MIB1: variants seen among roughly 807,000 people sequenced by gnomAD.
MIB1 encodes MIB E3 ubiquitin protein ligase 1.
Under a neutral mutation model 124.5 loss-of-function variants are expected in MIB1, and 278 were observed. That is an observed-to-expected ratio of 2.23 (90% CI 2.02 to 2.47). MIB1 has a LOEUF of 2.47. Among genes scored for constraint, MIB1 ranks in the 30% most tolerant of loss-of-function variants. The pLI is 0.00. For synonymous variants in MIB1, 446 were observed against 429.4 expected (o/e 1.04, Z -0.48); for missense variants, 957 against 1,254.4 (o/e 0.76, Z 3.58).
intron 12 of MIB1, among the ~76,000 whole-genome samples, chr18:21,837,994 T>G (rs983090925): frequency 2.0e-5 from 3 of 152,286 alleles, no homozygotes; most frequent in Admixed American, 2.0e-4. Flanking sequence ...GTGCCCTCAT[T>G]AGGGTATATT....
rs369245024 is a variant in MIB1 at position 21,773,599 on chromosome 18, C to A, written c.532-25C>A. 3.3e-5 allele frequency: 51 copies of A among 1,554,662 alleles called. No individual in the cohort carries two copies. In the South Asian group the frequency reaches 5.7e-4, roughly 17 times the overall value. ...CTCTTCCCTCCCCTTTAAAAAACTT[C>A]TTTTCTCAAAAACTATTCTGTTAGG... is the stretch of plus-strand genomic sequence containing the variant. On this transcript the variant is annotated intron_variant, in intron 3 of 20. Transcript: ENST00000261537.
intron 1 of MIB1, among the ~76,000 whole-genome samples, chr18:21,720,141 T>G (rs1455669228): frequency 6.6e-6 from 1 of 152,188 alleles, no homozygotes; most frequent in Non-Finnish European, 1.5e-5. Context: ...GATAACCAAA[T>G]AGCTTTGAAG....
intron 12 of MIB1, among the ~76,000 whole-genome samples, chr18:21,823,531 G>A (rs1268022625): frequency 6.6e-6 from 1 of 152,168 alleles, no homozygotes; most frequent in Non-Finnish European, 1.5e-5. Flanking sequence ...TTTCAAAGGT[G>A]CAGATCAATA....
Position 21,773,695 on chromosome 18 carries a change from T to G in MIB1, c.603T>G (p.Ala201=), listed in dbSNP as rs35738763. 229 of 1,607,700 alleles carry G rather than the reference T, an allele frequency of 1.4e-4. No homozygotes were observed. In the African/African-American group the frequency reaches 2.9e-3, roughly 20 times the overall value. Residue 201 remains alanine (A), a synonymous_variant, in exon 4 of 21, where the codon GCT becomes GCG. Coordinates refer to ENST00000261537, the MANE Select transcript of MIB1 (RefSeq NM_020774.4). Reference sequence around the variant, plus strand: ...CATATGTCCTCTGGGATAATGGTGCTAAGAACCTTTACAGAGTTGGCTTTG... The same window carrying G: ...CATATGTCCTCTGGGATAATGGTGCGAAGAACCTTTACAGAGTTGGCTTTG... The part of the protein sequence containing the change: ...SAAYVLWDNG[A]KNLYRVGFEG...
rs1017307617 is a variant in MIB1, at chr18:21,867,403, A to C, written c.*2737A>C. 1.3e-5 allele frequency: 2 copies of C among 152,630 alleles called. No individual in the cohort carries two copies. Among genetic ancestry groups the C allele is most frequent in the African/African-American group, 2.4e-5 (1 of 41,464 alleles). 9.5% of individuals were successfully genotyped at this position (152,630 alleles called of 1,614,324 possible). On this transcript the variant is annotated 3_prime_UTR_variant, in exon 21 of 21. Coordinates refer to ENST00000261537, the MANE Select transcript of MIB1 (RefSeq NM_020774.4). ...GTTACTCAAAACATACACATACAAC[A>C]TACCAGATGGTGCTGTTCTAATGGT... is the stretch of plus-strand genomic sequence containing the variant.
chr18:21,785,098 T>C (rs1175410154), intron 6 of MIB1, among the ~76,000 whole-genome samples: 1 of 152,218 alleles, frequency 6.6e-6, no homozygotes, highest in African/African-American at 2.4e-5. Flanking sequence ...TCTCTCTTTC[T>C]GCCTCGGCTA....
At position 21,846,946 on chromosome 18, in the gene MIB1, A is replaced by G; in HGVS notation, c.2214A>G (p.Leu738=). The G allele has an allele frequency of 6.2e-7, 1 of 1,612,478 alleles. No individual in the cohort carries two copies. Among genetic ancestry groups the G allele is most frequent in the Non-Finnish European group, 8.5e-7 (1 of 1,179,220 alleles). ...DAAWEPSKNT[L]IMGLGTQGAE... ...CATGACTCTTTATTTTATTGCAGTT[A>G]ATAATGGGACTTGGTACCCAGGGGG... The change falls in exon 16 of 21, where the codon TTA becomes TTG. Residue 738 remains leucine, a splice_region_variant and synonymous_variant. Transcript: ENST00000261537.
intron 10 of MIB1, among the ~76,000 whole-genome samples, chr18:21,804,258 A>G (rs1380140750): frequency 2.0e-5 from 3 of 152,230 alleles, no homozygotes; most frequent in African/African-American, 7.2e-5. Flanking sequence ...TGTAACCATC[A>G]TGTTTTAGGA....
At chr18:21,853,584 A>G (rs1314408932) in intron 18 of MIB1, among the ~76,000 whole-genome samples, 1 of 152,144 alleles carries the variant, frequency 6.6e-6, no homozygotes, top group Admixed American at 6.5e-5. Context: ...CTTCACCTTA[A>G]TATTGCCTCT....
Position 21,844,267 on chromosome 18 carries a change from A to G in MIB1, c.2211+14A>G, listed in dbSNP as rs767456434. 3.7e-6 allele frequency: 6 copies of G among 1,612,708 alleles called. No homozygotes were observed. The African/African-American group carries it at 4.0e-5, about 11-fold the overall frequency. On this transcript the variant is annotated intron_variant, in intron 15 of 20. Coordinates refer to ENST00000261537, the MANE Select transcript of MIB1 (RefSeq NM_020774.4). Reference sequence around the variant, plus strand: ...TCCAAAAACACGGTGAGTAAAGATCATCTTTCATTCAGTACCAGTGGAAGA... The same window carrying G: ...TCCAAAAACACGGTGAGTAAAGATCGTCTTTCATTCAGTACCAGTGGAAGA...
chr18:21,776,431 A>G (rs2041288394), intron 4 of MIB1, among the ~76,000 whole-genome samples: 1 of 152,118 alleles, frequency 6.6e-6, no homozygotes. Flanking sequence ...GTGCATCTGT[A>G]TTAGAGGAGC....
In MIB1 at chr18:21,817,555, A is replaced by G. The variant is rs549116978; in HGVS notation, c.1677+1742A>G. 5.0e-5 allele frequency: 12 copies of G among 238,894 alleles called. No individual in the cohort carries two copies. The South Asian group carries it at 5.5e-4, about 11-fold the overall frequency. The allele number at this position is 238,894 out of a possible 1,614,324, so 14.8% of individuals were successfully genotyped here. A position where few individuals can be genotyped will look rare whatever the true frequency, so the allele number is the denominator to read the frequency against. ...CTCTCATTGCAGAATGAAAGCAGCC[A>G]TAGATAATACATAAATGAATGGGTG... On this transcript the variant is annotated intron_variant, in intron 11 of 20. Transcript: ENST00000261537.
chr18:21,850,562 ATCTTTCGTAGAATTTTTGG>A (rs1195769057), intron 17 of MIB1, among the ~76,000 whole-genome samples: 2 of 152,168 alleles, frequency 1.3e-5, no homozygotes, highest in Non-Finnish European at 2.9e-5. Context: ...AAATTAATGT[ATCTTTCGTAGAATTTTTGG>A]CACAGGAAAA....
intron 16 of MIB1, 36 bp downstream of exon 16, chr18:21,847,161 T>C (rs757934550): frequency 1.3e-6 from 2 of 1,550,246 alleles, no homozygotes; most frequent in Non-Finnish European, 1.8e-6. Flanking sequence ...CTTAATATTC[T>C]GTACAGAAAA....
At chr18:21,847,347 T>C (rs2042143926) in intron 16 of MIB1, among the ~76,000 whole-genome samples, 1 of 152,224 alleles carries the variant, frequency 6.6e-6, no homozygotes, top group Non-Finnish European at 1.5e-5. Flanking sequence ...AGTGCAATGC[T>C]CTATACTTAA....
intron 4 of MIB1, among the ~76,000 whole-genome samples, chr18:21,776,237 C>G (rs1047084208): frequency 6.7e-6 from 1 of 149,460 alleles, no homozygotes; most frequent in Non-Finnish European, 1.5e-5. Context: ...ATCGTGCACT[C>G]CAGCCTGGGC....
intron 6 of MIB1, among the ~76,000 whole-genome samples, chr18:21,789,585 T>C (rs962570176): frequency 3.9e-5 from 6 of 151,988 alleles, no homozygotes; most frequent in Middle Eastern, 3.2e-3. Context: ...CACACTGATA[T>C]TAAAATTCCT....
At chr18:21,737,275 C>T (rs1454862212), upstream of MIB1, among the ~76,000 whole-genome samples, 1 of 152,096 alleles carries the variant, frequency 6.6e-6, no homozygotes, top group Non-Finnish European at 1.5e-5. Flanking sequence ...TCATATCCAG[C>T]CAAACTAACC....
intron 1 of MIB1, among the ~76,000 whole-genome samples, chr18:21,760,368 A>G (rs1262395920): frequency 1.3e-5 from 2 of 152,158 alleles, no homozygotes; most frequent in African/African-American, 4.8e-5. Flanking sequence ...TTAAATACCA[A>G]CTTTTGTTTT....
Sources: allele counts gnomAD v4.1 joint callset (sites outside exome capture counted in the v4.1 genomes callset), GRCh38; gene constraint gnomAD v4.1.1; transcripts MANE v1.5; gene names NCBI Gene and HGNC (gene_info 2026-07-23, HGNC 2026-07-21).